CRB2: variants seen among roughly 807,000 people sequenced by gnomAD.
The protein encoded by CRB2 is crumbs cell polarity complex component 2, also known as protein crumbs homolog 2.
A neutral mutation model predicts 110.9 loss-of-function variants in CRB2; 85 were observed. That is an observed-to-expected ratio of 0.77 (90% confidence interval 0.64 to 0.92). The LOEUF is 0.92. Among genes scored for constraint, CRB2 ranks in the 40% least tolerant of loss-of-function variants. CRB2 has a pLI of 0.00. For synonymous variants in CRB2, 907 were observed against 831.0 expected, an observed-to-expected ratio of 1.09 and a Z score of -1.57; for missense variants, 1,843 against 1,851.3, an observed-to-expected ratio of 1.00 and a Z score of 0.08.
Position 123,372,287 on chromosome 9 carries a change from C to T in CRB2, c.2547C>T (p.Pro849=), listed in dbSNP as rs201242880. The change falls in exon 9 of 13, where the codon CCC becomes CCT. Residue 849 remains proline (P), a synonymous_variant. Transcript: ENST00000373631. ...GPTCAQQLWC[P]GQPCLPPATC... is the part of the protein sequence containing the mutation. Reference sequence around the variant, plus strand: ...CGTGTGCCCAGCAGCTGTGGTGTCCCGGCCAGCCCTGTCTCCCACCTGCCA... The same window carrying T: ...CGTGTGCCCAGCAGCTGTGGTGTCCTGGCCAGCCCTGTCTCCCACCTGCCA... 668 of 1,612,554 alleles carry T rather than the reference C, an allele frequency of 4.1e-4. 1 individual carries two copies. Among genetic ancestry groups the T allele is most frequent in the Middle Eastern group, 3.1e-3 (19 of 6,058 alleles).
At chr9:123,369,976 T>A (rs370202820) in intron 6 of CRB2, 132 bp from the exon 7 acceptor site, 2 of 1,109,962 alleles carry the variant, frequency 1.8e-6, no homozygotes, top group Non-Finnish European at 2.6e-6. Context: ...GAGGGGACCA[T>A]GAGAAATCCT....
intron 9 of CRB2, 125 bp from the exon 10 acceptor site, chr9:123,373,009 G>A (rs1020930216): frequency 9.5e-6 from 7 of 733,460 alleles, no homozygotes; most frequent in Non-Finnish European, 1.4e-5. Context: ...AGGATTAGAT[G>A]ATAGGTGGGT....
At chr9:123,375,427 A>C in intron 12 of CRB2, 84 bp downstream of exon 12, 1 of 1,431,880 alleles carries the variant, frequency 7.0e-7, no homozygotes, top group Non-Finnish European at 9.2e-7. Flanking sequence ...GCGCAGCACC[A>C]TGGGGCTGTT....
chr9:123,367,479 C>G, intron 5 of CRB2, 94 bp from the exon 6 acceptor site: 2 of 1,231,952 alleles, frequency 1.6e-6, no homozygotes, highest in Non-Finnish European at 2.2e-6. Context: ...TGCCCTCTCT[C>G]TTGGACTCAG....
At chr9:123,367,402 A>AGG in intron 5 of CRB2, 45 bp downstream of exon 5, 2 of 1,527,034 alleles carry the variant, frequency 1.3e-6, no homozygotes, top group East Asian at 4.7e-5. Flanking sequence ...CCAGATGCCC[A>AGG]GGGAGGGATC....
intron 12 of CRB2, 30 bp downstream of exon 12, chr9:123,375,373 G>T: frequency 6.4e-7 from 1 of 1,552,836 alleles, no homozygotes; most frequent in Non-Finnish European, 8.7e-7. Context: ...AGGGGCCGTG[G>T]ACGTGGCCTG....
At chr9:123,380,149 C>CAAAT (rs1377861154), downstream of CRB2, 3 of 152,342 alleles carry the variant, frequency 2.0e-5, no homozygotes, top group South Asian at 4.1e-4. Flanking sequence ...TGACCCTTCA[C>CAAAT]AAATAGGAAA....
rs766017289 is a variant in CRB2 at position 123,373,116 on chromosome 9, G to A, written c.2603-18G>A. 1.3e-6 allele frequency: 2 copies of A among 1,481,736 alleles called. No homozygotes were observed. Among genetic ancestry groups the A allele is most frequent in the Middle Eastern group, 1.8e-4 (1 of 5,510 alleles). 91.8% of individuals were successfully genotyped at this position (1,481,736 alleles called of 1,614,324 possible). A position where few individuals can be genotyped will look rare whatever the true frequency, so the allele number is the denominator to read the frequency against. ...GAAGGCTCCGTGGGCTATTCCCTGA[G>A]GCTCCTTCTCTCCGCAGGTGTGGCG... On this transcript the variant is annotated intron_variant, in intron 9 of 12. Coordinates refer to ENST00000373631, the MANE Select transcript of CRB2 (RefSeq NM_173689.7).
rs993202583 is a variant in CRB2, at chr9:123,370,887, C to T, written c.1834C>T (p.Leu612=). 13 of 1,612,380 alleles carry T rather than the reference C, an allele frequency of 8.1e-6. No homozygotes were observed. The highest frequency in any genetic ancestry group is 1.0e-5 in the Non-Finnish European group (12 of 1,180,032). The change falls in exon 7 of 13, where the codon CTG becomes TTG. Residue 612 remains leucine, a synonymous_variant. Transcript: ENST00000373631. ...GCERREQCRP[L]PCVHGGSCVD... is the part of the protein sequence containing the mutation. Reference sequence around the variant, plus strand: ...TGAGCGCCGAGAGCAGTGCCGGCCTCTGCCTTGTGTCCACGGAGGGTCCTG... The same window carrying T: ...TGAGCGCCGAGAGCAGTGCCGGCCTTTGCCTTGTGTCCACGGAGGGTCCTG...
Position 123,371,220 on chromosome 9 carries a change from C to T in CRB2, c.2078C>T (p.Ala693Val), listed in dbSNP as rs1391646509. ...TTGCTCCAGTTTGCCAATGACTCCGCAGCTGGCCTAACAGTATTCCTGAGT... is the reference window on the plus strand; with the variant it reads ...TTGCTCCAGTTTGCCAATGACTCCGTAGCTGGCCTAACAGTATTCCTGAGT... ...GLLLQFANDS[A>V]AGLTVFLSEG... The change falls in exon 8 of 13, where the codon GCA becomes GTA. Residue 693 changes from alanine (A) to valine (V), a missense_variant. Physicochemically the swap from Ala to Val is moderately conservative, Grantham distance 64. Transcript: ENST00000373631. The T allele has an allele frequency of 1.9e-6, 3 of 1,613,978 alleles. No homozygotes were observed. Among genetic ancestry groups the T allele is most frequent in the Non-Finnish European group, 8.5e-7 (1 of 1,180,038 alleles).
rs765938145 is a variant in CRB2, at chr9:123,370,525, C to T, written c.1472C>T (p.Ala491Val). Reference protein sequence around the residue: ...KESLELALVAATLQATLWSYS... With the variant: ...KESLELALVAVTLQATLWSYS... The stretch of plus-strand genomic sequence containing the variant: ...AGCTTGGAGCTGGCATTGGTGGCAG[C>T]CACACTTCAGGCCACACTCTGGAGC... The change falls in exon 7 of 13, where the codon GCC becomes GTC. Residue 491 changes from alanine to valine, a missense_variant. Ala to Val is a moderately conservative substitution (Grantham distance 64). Transcript: ENST00000373631. 2 of 1,613,574 alleles carry T rather than the reference C, an allele frequency of 1.2e-6. No individual in the cohort carries two copies.
chr9:123,379,338 C>G (rs1285956023), downstream of CRB2, among the ~76,000 whole-genome samples: 18 of 152,164 alleles, frequency 1.2e-4, no homozygotes, highest in Admixed American at 1.2e-3. Flanking sequence ...GGGCGACTTG[C>G]CAGGTGTCCC....
chr9:123,356,087 T>TG (rs1324614282), upstream of CRB2: 2 of 399,114 alleles, frequency 5.0e-6, no homozygotes, highest in African/African-American at 6.0e-5. Context: ...GTCCACGAGG[T>TG]GGAGCAGCCC....
At chr9:123,378,802 T>TCTG (rs2042149635), downstream of CRB2, 1 of 65,266 alleles carries the variant, frequency 1.5e-5, no homozygotes, top group African/African-American at 7.2e-5. Flanking sequence ...GTGCCTGTTT[T>TCTG]TTGTTTTTTT....
At chr9:123,357,819 A>G (rs1033692314) in intron 1 of CRB2, among the ~76,000 whole-genome samples, 7 of 152,318 alleles carry the variant, frequency 4.6e-5, no homozygotes, top group African/African-American at 1.7e-4. Context: ...CTACCAGCAC[A>G]TGCACCTACC....
Position 123,371,375 on chromosome 9 carries a change from G to T in CRB2, c.2233G>T (p.Val745Leu), listed in dbSNP as rs754151973. The T allele has an allele frequency of 1.2e-6, 2 of 1,605,796 alleles. No individual in the cohort carries two copies. The highest frequency in any genetic ancestry group is 4.5e-5 in the East Asian group (2 of 44,808). ...PDQLQDLGQHVHVGGRLLAAD... is the reference protein window; with the variant it reads ...PDQLQDLGQHLHVGGRLLAAD... The stretch of plus-strand genomic sequence containing the variant: ...CCAGCTGCAGGACCTGGGGCAGCAC[G>T]TGCACGTGGGTGGGAGGCTCCTTGC... The change falls in exon 8 of 13, where the codon GTG (valine) becomes TTG (leucine). Residue 745 changes from valine (V) to leucine (L), a missense_variant. Coordinates refer to ENST00000373631, the MANE Select transcript of CRB2 (RefSeq NM_173689.7).
intron 2 of CRB2, among the ~76,000 whole-genome samples, chr9:123,364,327 G>A (rs1422077411): frequency 6.6e-6 from 1 of 151,992 alleles, no homozygotes; most frequent in Non-Finnish European, 1.5e-5. Flanking sequence ...TTCGGGCAGT[G>A]GGTTGTGTGG....
Position 123,376,951 on chromosome 9 carries a change from A to G in CRB2, c.3747A>G (p.Arg1249=). Residue 1249 remains arginine (R), a synonymous_variant, in exon 13 of 13, where the codon CGA becomes CGG. Coordinates refer to ENST00000373631, the MANE Select transcript of CRB2 (RefSeq NM_173689.7). The part of the protein sequence containing the change: ...LGLLSGILAA[R]KRRQSEGTYS... ...TCCTTTCAGGGATCCTGGCAGCCCGAAAGCGCCGCCAGTCTGAGGGCACCT... is the reference window on the plus strand; with the variant it reads ...TCCTTTCAGGGATCCTGGCAGCCCGGAAGCGCCGCCAGTCTGAGGGCACCT... 6.2e-7 allele frequency: 1 copy of G among 1,606,946 alleles called. No homozygotes were observed.
At position 123,373,546 on chromosome 9, in the gene CRB2, G is replaced by A. The variant is rs373621441; in HGVS notation, c.3015G>A (p.Leu1005=). 1.0e-4 allele frequency: 156 copies of A among 1,487,172 alleles called. No individual in the cohort carries two copies. The African/African-American group carries it at 1.5e-3, about 14-fold the overall frequency. The allele number at this position is 1,487,172 out of a possible 1,614,324, so 92.1% of individuals were successfully genotyped here. A position where few individuals can be genotyped will look rare whatever the true frequency, so the allele number is the denominator to read the frequency against. Residue 1005 remains leucine (L), a synonymous_variant, in exon 10 of 13, where the codon CTG becomes CTA. Transcript: ENST00000373631. ...AGGGCCCGGGTGCTGTGCGCATCCT[G>A]CTGGCTGAGAACTTCACCGGCTGCT... The part of the protein sequence containing the change: ...FLQGPGAVRI[L]LAENFTGCLG...
Sources: allele counts gnomAD v4.1 joint callset (sites outside exome capture counted in the v4.1 genomes callset), GRCh38; gene constraint gnomAD v4.1.1; transcripts MANE v1.5; gene names NCBI Gene and HGNC (gene_info 2026-07-23, HGNC 2026-07-21).